SMARCC1: variants seen among roughly 807,000 people sequenced by gnomAD.
SMARCC1 encodes SWI/SNF related BAF chromatin remodeling complex subunit C1.
Under a neutral mutation model 147.4 loss-of-function variants are expected in SMARCC1, and 43 were observed. That is an observed-to-expected ratio of 0.29 (90% confidence interval 0.23 to 0.38). The LOEUF (loss-of-function observed/expected upper bound fraction) is 0.38. SMARCC1 is among the 10% of genes least tolerant of loss of function. The pLI is 1.00. For missense variants in SMARCC1, 1,119 were observed against 1,381.1 expected (o/e 0.81, Z 3.01); for synonymous variants, 495 against 484.4 (o/e 1.02, Z -0.29).
chr3:47,675,422 T>C (rs555348038), intron 18 of SMARCC1, 53 bp downstream of exon 18: 11 of 856,136 alleles, frequency 1.3e-5, no homozygotes, highest in African/African-American at 1.2e-4. Context: ...AGATGTATCT[T>C]AGAAGGACTA....
chr3:47,676,945 C>T (rs1382679460), intron 16 of SMARCC1, among the ~76,000 whole-genome samples, 163 bp from the exon 17 acceptor site: 1 of 152,164 alleles, frequency 6.6e-6, no homozygotes, highest in Non-Finnish European at 1.5e-5. Flanking sequence ...ATGTGACGAA[C>T]AATTTCTACA....
intron 5 of SMARCC1, among the ~76,000 whole-genome samples, chr3:47,730,780 C>G (rs1389556952): frequency 6.6e-6 from 1 of 151,912 alleles, no homozygotes; most frequent in Non-Finnish European, 1.5e-5. Flanking sequence ...GCAGGAGAAT[C>G]CCTTGAACCC....
At chr3:47,712,164 G>A (rs555167610) in intron 8 of SMARCC1, among the ~76,000 whole-genome samples, 33 of 152,246 alleles carry the variant, frequency 2.2e-4, no homozygotes, top group African/African-American at 7.0e-4. Flanking sequence ...CCCAGGAGGC[G>A]GAGGTTGCAG....
chr3:47,631,788 A>C (rs976283777), intron 24 of SMARCC1, among the ~76,000 whole-genome samples: 1 of 152,236 alleles, frequency 6.6e-6, no homozygotes, highest in Admixed American at 6.5e-5. Context: ...AGAAAATGAG[A>C]ATAAGAGAAA....
intron 21 of SMARCC1, 146 bp from the exon 22 acceptor site, chr3:47,638,926 G>A (rs2033011082): frequency 1.5e-6 from 1 of 649,282 alleles, no homozygotes; most frequent in South Asian, 1.8e-5. Flanking sequence ...AAGAAGTCAG[G>A]CACAAAACAA....
chr3:47,624,894 TAAAAAAAAAA>T (rs60766054), intron 24 of SMARCC1, among the ~76,000 whole-genome samples: 1 of 111,764 alleles, frequency 8.9e-6, no homozygotes, highest in Non-Finnish European at 1.9e-5. Flanking sequence ...TACTAAAAAT[TAAAAAAAAAA>T]AAAAAAAAAA....
At chr3:47,680,142 A>G in intron 15 of SMARCC1, 1 of 260,904 alleles carries the variant, frequency 3.8e-6, no homozygotes, top group Non-Finnish European at 7.2e-6. Context: ...GGATCCTTTG[A>G]GTTCAGGGGG....
At chr3:47,687,339 A>T (rs1467132933) in intron 13 of SMARCC1, among the ~76,000 whole-genome samples, 4 of 152,186 alleles carry the variant, frequency 2.6e-5, no homozygotes, top group Non-Finnish European at 4.4e-5. Flanking sequence ...TTTTTGTGTT[A>T]CAGACTTTAC....
chr3:47,686,225 T>G lies in SMARCC1; in HGVS notation c.1264-55A>C, dbSNP rs1379603112. On this transcript the variant is annotated intron_variant, in intron 13 of 27. Coordinates refer to ENST00000254480, the MANE Select transcript of SMARCC1 (RefSeq NM_003074.4). ...AGAAAGAACTACAGAGAGAGATATA[T>G]ATAACATCTCTTACACTTCAGTTGT... 6.5e-6 allele frequency: 9 copies of G among 1,381,690 alleles called. No homozygotes were observed. The East Asian group carries it at 2.1e-4, about 32-fold the overall frequency. The allele number at this position is 1,381,690 out of a possible 1,614,324, so 85.6% of individuals were successfully genotyped here.
At chr3:47,670,549 A>C (rs946713142) in intron 19 of SMARCC1, 109 bp downstream of exon 19, 12 of 755,732 alleles carry the variant, frequency 1.6e-5, no homozygotes, top group Non-Finnish European at 2.9e-5. Context: ...AGGCCACTGC[A>C]CTCCAGCCTG....
At chr3:47,709,321 G>A (rs1559650935) in intron 9 of SMARCC1, among the ~76,000 whole-genome samples, 1 of 151,992 alleles carries the variant, frequency 6.6e-6, no homozygotes, top group Non-Finnish European at 1.5e-5. Context: ...TCACAGCACT[G>A]AAATAGGTAT....
chr3:47,639,437 G>T (rs1002138046), intron 21 of SMARCC1, among the ~76,000 whole-genome samples: 1 of 152,152 alleles, frequency 6.6e-6, no homozygotes, highest in East Asian at 1.9e-4. Flanking sequence ...TAAGCAGCCA[G>T]GCATGGCCGC....
chr3:47,618,038 T>C (rs1254093358), intron 25 of SMARCC1, among the ~76,000 whole-genome samples: 1 of 152,106 alleles, frequency 6.6e-6, no homozygotes, highest in Non-Finnish European at 1.5e-5. Flanking sequence ...GTAGGGACTG[T>C]CTCATACAAA....
intron 4 of SMARCC1, 69 bp downstream of exon 4, chr3:47,737,960 G>A (rs996178749): frequency 4.3e-6 from 5 of 1,173,480 alleles, no homozygotes; most frequent in Non-Finnish European, 6.1e-6. Flanking sequence ...ACCGCGCCTG[G>A]CCAGCCAATC....
At chr3:47,772,548 C>G (rs1032424621) in intron 2 of SMARCC1, among the ~76,000 whole-genome samples, 1 of 152,050 alleles carries the variant, frequency 6.6e-6, no homozygotes, top group East Asian at 1.9e-4. Context: ...AGACTCGGTA[C>G]GGCGAGAGGA....
chr3:47,727,657 C>G (rs1559655835), intron 6 of SMARCC1, among the ~76,000 whole-genome samples: 1 of 151,518 alleles, frequency 6.6e-6, no homozygotes, highest in Non-Finnish European at 1.5e-5. Flanking sequence ...CTCTTCTTGC[C>G]CGGGCTAGAG....
intron 7 of SMARCC1, among the ~76,000 whole-genome samples, chr3:47,716,799 C>A (rs537263573): frequency 1.3e-5 from 2 of 152,260 alleles, no homozygotes; most frequent in African/African-American, 4.8e-5. Context: ...GAGTGCTTTA[C>A]AGAAAGAACT....
rs2034438582 is a variant in SMARCC1 at position 47,736,005 on chromosome 3, T to C, written c.576+29A>G. On this transcript the variant is annotated intron_variant, in intron 5 of 27. Transcript: ENST00000254480. ...CTACAAAATGAAGTGATCGTGTCTA[T>C]TATTATCTGAAGTGATTGTGTCTAT... 4 of 1,054,386 alleles carry C rather than the reference T, an allele frequency of 3.8e-6. No homozygotes were observed. The South Asian group carries it at 6.0e-5, about 16-fold the overall frequency. The allele number at this position is 1,054,386 out of a possible 1,614,324, so 65.3% of individuals were successfully genotyped here.
At chr3:47,772,702 C>CTT (rs887634288) in intron 2 of SMARCC1, 115 bp downstream of exon 2, 34 of 854,040 alleles carry the variant, frequency 4.0e-5, no homozygotes, top group South Asian at 1.6e-4. Flanking sequence ...TTGTTTTTTG[C>CTT]TTTTTTTTTT....
Sources: allele counts gnomAD v4.1 joint callset (sites outside exome capture counted in the v4.1 genomes callset), GRCh38; gene constraint gnomAD v4.1.1; transcripts MANE v1.5; gene names NCBI Gene and HGNC (gene_info 2026-07-23, HGNC 2026-07-21).